The following SHLD2 variants were observed in gnomAD, a reference collection of about 807,000 sequenced individuals.
SHLD2 encodes the protein shieldin complex subunit 2.
In SHLD2, 30 loss-of-function variants were observed where a neutral mutation model predicts 73.2. That is an observed-to-expected ratio of 0.41 (90% CI 0.31 to 0.56). SHLD2 has a LOEUF of 0.56. Ranked by LOEUF, SHLD2 falls within the 20% of genes least tolerant of loss-of-function variation. The pLI is 0.28. For synonymous variants in SHLD2, 285 were observed against 370.1 expected, an observed-to-expected ratio of 0.77 and a Z score of 2.64; for missense variants, 745 against 1,055.9, an observed-to-expected ratio of 0.71 and a Z score of 4.08.
chr10:87,176,705 A>G (rs1396837422), intron 7 of SHLD2, among the ~76,000 whole-genome samples: 1 of 152,244 alleles, frequency 6.6e-6, no homozygotes, highest in African/African-American at 2.4e-5. Context: ...TAATTCACAT[A>G]TATGTATAAA....
At chr10:87,180,628 G>A (rs1423460021) in intron 8 of SHLD2, among the ~76,000 whole-genome samples, 1 of 152,104 alleles carries the variant, frequency 6.6e-6, no homozygotes, top group Non-Finnish European at 1.5e-5. Context: ...CCTTAACATA[G>A]AATTTAAGGG....
At chr10:87,121,968 T>C (rs1843660447) in intron 2 of SHLD2, among the ~76,000 whole-genome samples, 1 of 151,878 alleles carries the variant, frequency 6.6e-6, no homozygotes, top group African/African-American at 2.4e-5. Flanking sequence ...TTTCGCCATG[T>C]TGGCCAGGCT....
intron 2 of SHLD2, among the ~76,000 whole-genome samples, chr10:87,099,791 A>G (rs564349107): frequency 6.6e-6 from 1 of 152,236 alleles, no homozygotes; most frequent in East Asian, 1.9e-4. Flanking sequence ...CTTCACCAAC[A>G]CTTGTTATGT....
intron 2 of SHLD2, among the ~76,000 whole-genome samples, chr10:87,133,568 A>G (rs926796638): frequency 1.3e-5 from 2 of 152,218 alleles, no homozygotes; most frequent in African/African-American, 4.8e-5. Context: ...CCATTCATTA[A>G]GAACAATTGT....
At chr10:87,104,106 A>G (rs922361457) in intron 2 of SHLD2, among the ~76,000 whole-genome samples, 13 of 149,658 alleles carry the variant, frequency 8.7e-5, no homozygotes, top group Admixed American at 6.1e-4. Context: ...GATGGCGGGC[A>G]GGTGCTTGTA....
chr10:87,156,015 G>A (rs1053137225), intron 3 of SHLD2, among the ~76,000 whole-genome samples: 3 of 151,260 alleles, frequency 2.0e-5, no homozygotes, highest in African/African-American at 7.3e-5. Flanking sequence ...TAGTTGGATA[G>A]CCTGGGTAGT....
chr10:87,095,165 G>A (rs1283959095), upstream of SHLD2: 1 of 127,094 alleles, frequency 7.9e-6, no homozygotes, highest in Non-Finnish European at 1.6e-5. Context: ...GGGGAAGGTC[G>A]GGGCGGGTCG....
chr10:87,125,462 G>A (rs1485801817), intron 2 of SHLD2, among the ~76,000 whole-genome samples: 3 of 152,250 alleles, frequency 2.0e-5, no homozygotes, highest in Non-Finnish European at 4.4e-5. Context: ...TTGGCTGGGT[G>A]TGGTGGCTGA....
intron 2 of SHLD2, among the ~76,000 whole-genome samples, chr10:87,108,627 A>T (rs1842747662): frequency 6.6e-6 from 1 of 152,134 alleles, no homozygotes. Context: ...AAATAACTAA[A>T]ATTTCCTTAG....
At chr10:87,188,241 G>A (rs1279573991) in intron 9 of SHLD2, among the ~76,000 whole-genome samples, 3 of 152,162 alleles carry the variant, frequency 2.0e-5, no homozygotes, top group African/African-American at 4.8e-5. Context: ...GCTCTGTCTT[G>A]TGCCTTTAGT....
intron 2 of SHLD2, among the ~76,000 whole-genome samples, chr10:87,148,233 C>G (rs1478187681): frequency 6.6e-6 from 1 of 152,136 alleles, no homozygotes; most frequent in Non-Finnish European, 1.5e-5. Flanking sequence ...GTTTTGAATT[C>G]CCAGGGCCTA....
chr10:87,117,886 C>G (rs1304442172), intron 2 of SHLD2, among the ~76,000 whole-genome samples: 1 of 152,166 alleles, frequency 6.6e-6, no homozygotes, highest in Non-Finnish European at 1.5e-5. Context: ...AAGACATTAA[C>G]CAGTTTTCTC....
intron 8 of SHLD2, among the ~76,000 whole-genome samples, chr10:87,184,747 G>A (rs934959093): frequency 1.3e-5 from 2 of 152,068 alleles, no homozygotes; most frequent in African/African-American, 4.8e-5. Flanking sequence ...GTTCTCGAAT[G>A]TCTTCCTTCT....
At chr10:87,168,642 T>C (rs1414155011) in intron 4 of SHLD2, among the ~76,000 whole-genome samples, 1 of 151,756 alleles carries the variant, frequency 6.6e-6, no homozygotes, top group Non-Finnish European at 1.5e-5. Flanking sequence ...GCAACACAGA[T>C]GCAGTTGGAG....
intron 2 of SHLD2, among the ~76,000 whole-genome samples, chr10:87,136,158 T>C (rs1208858779): frequency 6.6e-6 from 1 of 152,062 alleles, no homozygotes; most frequent in Admixed American, 6.5e-5. Context: ...TAAAATCTTA[T>C]TATTGCTTTA....
intron 4 of SHLD2, among the ~76,000 whole-genome samples, chr10:87,160,739 C>T (rs577033468): frequency 2.0e-5 from 3 of 152,266 alleles, no homozygotes; most frequent in East Asian, 3.9e-4. Flanking sequence ...CCTGTAATCC[C>T]AGCACTTTGG....
chr10:87,188,980 T>C (rs1848824583), intron 9 of SHLD2, among the ~76,000 whole-genome samples: 1 of 150,790 alleles, frequency 6.6e-6, no homozygotes, highest in Non-Finnish European at 1.5e-5. Context: ...ATGTTACTTA[T>C]ATATTTTCAG....
chr10:87,189,959 C>T (rs915894261), intron 9 of SHLD2, among the ~76,000 whole-genome samples: 1 of 152,152 alleles, frequency 6.6e-6, no homozygotes. Flanking sequence ...GGTGTGTTAT[C>T]TGGGCCTGTT....
intron 4 of SHLD2, among the ~76,000 whole-genome samples, chr10:87,165,389 G>A (rs1219951921): frequency 1.3e-5 from 2 of 152,086 alleles, no homozygotes; most frequent in Admixed American, 6.5e-5. Flanking sequence ...AAATTTATAA[G>A]AAAACTCTTC....
Sources: gnomAD v4.1 joint callset for allele counts (sites outside exome capture counted in the v4.1 genomes callset) on GRCh38, gnomAD v4.1.1 for gene constraint, MANE v1.5 for transcripts, NCBI Gene and HGNC (gene_info 2026-07-23, HGNC 2026-07-21) for gene names.